Variants in RCSD1 observed in about 807,000 individuals in gnomAD.
The protein encoded by RCSD1 is capZ-interacting protein.
Under a neutral mutation model 42.5 loss-of-function variants are expected in RCSD1, and 26 were observed. The ratio of observed to expected loss-of-function variants is 0.61; its 90% CI spans 0.45 to 0.85. RCSD1 has a LOEUF of 0.85. Among genes scored for constraint, RCSD1 ranks in the 40% least tolerant of loss-of-function variants. The probability of loss-of-function intolerance (pLI) is 0.00; values close to 1 mark genes in which losing one functional copy is unlikely to be tolerated. For missense variants in RCSD1, 571 were observed against 528.3 expected (o/e 1.08, Z -0.79); for synonymous variants, 220 against 212.2 (o/e 1.04, Z -0.32).
At chr1:167,679,587 C>G (rs1659030465) in intron 1 of RCSD1, among the ~76,000 whole-genome samples, 1 of 152,208 alleles carries the variant, frequency 6.6e-6, no homozygotes, top group African/African-American at 2.4e-5. Context: ...AGCAAACATA[C>G]CTCAGACCTT....
At chr1:167,691,560 A>T (rs1421989629) in intron 4 of RCSD1, among the ~76,000 whole-genome samples, 1 of 152,232 alleles carries the variant, frequency 6.6e-6, no homozygotes, top group Non-Finnish European at 1.5e-5. Flanking sequence ...CTTGTGCACC[A>T]TACCTCCCAT....
intron 4 of RCSD1, among the ~76,000 whole-genome samples, chr1:167,692,705 A>C (rs1659405181): frequency 6.6e-6 from 1 of 151,968 alleles, no homozygotes; most frequent in Admixed American, 6.6e-5. Flanking sequence ...ATGCTATTTA[A>C]CTTTCGTATT....
Position 167,646,281 on chromosome 1 carries a change from C to T in RCSD1, c.6+15852C>T, listed in dbSNP as rs546801423. Reference sequence around the variant, plus strand: ...CAAGGCGCAGCTGGGTGGTCATTCGCGCAGCAGTGGTTCACCACAGGCCTG... The same window carrying T: ...CAAGGCGCAGCTGGGTGGTCATTCGTGCAGCAGTGGTTCACCACAGGCCTG... On this transcript the variant is annotated intron_variant, in intron 1 of 6. Coordinates refer to ENST00000367854, the MANE Select transcript of RCSD1 (RefSeq NM_052862.4). 4.6e-5 allele frequency among the ~76,000 whole-genome samples: 7 copies of T among 152,100 alleles called. No individual in the cohort carries two copies. The East Asian group carries it at 5.8e-4, about 13-fold the overall frequency.
intron 2 of RCSD1, among the ~76,000 whole-genome samples, chr1:167,684,822 C>T (rs1042195432): frequency 6.6e-5 from 10 of 152,010 alleles, no homozygotes; most frequent in Non-Finnish European, 1.0e-4. Flanking sequence ...TTCAGTGAGC[C>T]GAGATGGTAA....
At chr1:167,704,197 C>T (rs1014033660) in intron 6 of RCSD1, among the ~76,000 whole-genome samples, 1 of 152,104 alleles carries the variant, frequency 6.6e-6, no homozygotes, top group Non-Finnish European at 1.5e-5. Flanking sequence ...CTCTTTCTGT[C>T]CTTTTTCCAT....
At chr1:167,655,513 A>T (rs1268597606) in intron 1 of RCSD1, among the ~76,000 whole-genome samples, 1 of 152,186 alleles carries the variant, frequency 6.6e-6, no homozygotes, top group Non-Finnish European at 1.5e-5. Context: ...ATTATCAAAA[A>T]GTCTCCCTGC....
chr1:167,670,960 C>T (rs1396037211), intron 1 of RCSD1, among the ~76,000 whole-genome samples: 1 of 152,210 alleles, frequency 6.6e-6, no homozygotes, highest in African/African-American at 2.4e-5. Flanking sequence ...AGAATATTGA[C>T]TCCAACCCTG....
At chr1:167,694,498 C>A (rs901472079) in intron 5 of RCSD1, among the ~76,000 whole-genome samples, 196 bp downstream of exon 5, 3 of 152,212 alleles carry the variant, frequency 2.0e-5, no homozygotes, top group African/African-American at 7.2e-5. Context: ...TTTTCCTCGA[C>A]TGACTGGCTC....
rs890269632 is a variant in RCSD1, at chr1:167,639,195, T to C, written c.6+8766T>C. ...TCACGCCACTGCACTCCAGCCTGGG[T>C]GACACAGGGAGACTCCGTCTCAAAA... On this transcript the variant is annotated intron_variant, in intron 1 of 6. Transcript: ENST00000367854. Among the ~76,000 whole-genome samples the C allele has an allele frequency of 1.1e-4, 16 of 152,108 alleles. No homozygotes were observed. In the East Asian group the frequency reaches 2.1e-3, roughly 20 times the overall value.
At chr1:167,680,862 G>A (rs146223375) in intron 1 of RCSD1, among the ~76,000 whole-genome samples, 1 of 152,246 alleles carries the variant, frequency 6.6e-6, no homozygotes, top group Non-Finnish European at 1.5e-5. Context: ...GAGGCTAAGG[G>A]TGTCTCAGGA....
rs139623754 is a variant in RCSD1, at chr1:167,685,478, C to T, written c.166C>T (p.Pro56Ser). The T allele has an allele frequency of 4.3e-5, 69 of 1,613,854 alleles. No individual in the cohort carries two copies. The Middle Eastern group carries it at 6.6e-4, about 15-fold the overall frequency. Residue 56 changes from proline to serine, a missense_variant, in exon 3 of 7, where the codon CCC becomes TCC. Transcript: ENST00000367854. ...GCCCTGTTCCCTCCCCCTGTTCCCC[C>T]CCAAGGTAGACCTGGGCCAGAATGG... ...KPPCSLPLFP[P>S]KVDLGQNGEE...
In RCSD1 at chr1:167,697,470, G is replaced by C. The variant is rs372583551; in HGVS notation, c.846G>C (p.Pro282=). The C allele has an allele frequency of 6.2e-7, 1 of 1,610,318 alleles. No homozygotes were observed. The part of the protein sequence containing the change: ...DGQHPAQEEV[P]ESPQTSGPEA... ...AGCACCCGGCCCAAGAGGAGGTCCC[G>C]GAATCGCCCCAGACCTCTGGCCCAG... Residue 282 remains proline (P), a synonymous_variant, in exon 6 of 7, where the codon CCG becomes CCC. Transcript: ENST00000367854.
intron 1 of RCSD1, among the ~76,000 whole-genome samples, chr1:167,644,202 G>A (rs549898168): frequency 6.6e-6 from 1 of 152,254 alleles, no homozygotes; most frequent in Non-Finnish European, 1.5e-5. Context: ...TGTTTTGGCT[G>A]GGCACGGTGG....
intron 1 of RCSD1, among the ~76,000 whole-genome samples, chr1:167,633,051 A>G (rs1359874335): frequency 6.6e-6 from 1 of 152,228 alleles, no homozygotes; most frequent in Non-Finnish European, 1.5e-5. Flanking sequence ...AGTACTAGGA[A>G]TCCAAACCAG....
At chr1:167,676,946 G>A (rs753822946) in intron 1 of RCSD1, among the ~76,000 whole-genome samples, 7 of 152,240 alleles carry the variant, frequency 4.6e-5, no homozygotes, top group South Asian at 2.1e-4. Flanking sequence ...CAATGCCTGC[G>A]TGTGGGTCCT....
intron 6 of RCSD1, 67 bp downstream of exon 6, chr1:167,697,909 T>C (rs535705949): frequency 1.4e-6 from 2 of 1,430,770 alleles, no homozygotes; most frequent in South Asian, 1.6e-5. Context: ...CTGTCACATG[T>C]CCTGTTCCGT....
chr1:167,646,039 C>T (rs1658134498), intron 1 of RCSD1, among the ~76,000 whole-genome samples: 1 of 152,196 alleles, frequency 6.6e-6, no homozygotes, highest in Non-Finnish European at 1.5e-5. Flanking sequence ...AGCTGCGAAA[C>T]CAACTGCGGG....
chr1:167,694,109 C>G lies in RCSD1; in HGVS notation c.281C>G (p.Thr94Ser). The change falls in exon 5 of 7, where the codon ACC (threonine) becomes AGC (serine). Residue 94 changes from threonine (T) to serine (S), a missense_variant. By Grantham distance (58) the Thr-to-Ser change is moderately conservative. Transcript: ENST00000367854. ...PLIEKLQANL[T>S]FDPAALLPGA... is the part of the protein sequence containing the mutation. ...ATCTTTTCTTGACAGGCCAATTTAA[C>G]CTTTGACCCAGCTGCTCTACTGCCT... 2.5e-6 allele frequency: 4 copies of G among 1,614,176 alleles called. No homozygotes were observed. The highest frequency in any genetic ancestry group is 1.1e-5 in the South Asian group (1 of 91,088).
At chr1:167,652,171 A>G (rs965907564) in intron 1 of RCSD1, among the ~76,000 whole-genome samples, 3 of 151,760 alleles carry the variant, frequency 2.0e-5, no homozygotes, top group Non-Finnish European at 4.4e-5. Context: ...ACAGGCATGC[A>G]CCACCATGCC....
Sources: gnomAD v4.1 joint callset for allele counts (sites outside exome capture counted in the v4.1 genomes callset) on GRCh38, gnomAD v4.1.1 for gene constraint, MANE v1.5 for transcripts, NCBI Gene and HGNC (gene_info 2026-07-23, HGNC 2026-07-21) for gene names.